The following LARGE1 variants were observed in gnomAD, a reference collection of about 807,000 sequenced individuals.
LARGE1 encodes the protein LARGE xylosyl- and glucuronyltransferase 1, also known as xylosyl- and glucuronyltransferase LARGE1.
Under a neutral mutation model 87.6 loss-of-function variants are expected in LARGE1, and 43 were observed. That is an observed-to-expected ratio of 0.49 (90% CI 0.38 to 0.63). LARGE1 has a LOEUF of 0.63. Ranked by LOEUF, LARGE1 falls within the 30% of genes least tolerant of loss-of-function variation. The probability of loss-of-function intolerance (pLI) is 0.00; values close to 1 mark genes in which losing one functional copy is unlikely to be tolerated. For synonymous variants in LARGE1, 434 were observed against 394.6 expected (o/e 1.10, Z -1.18); for missense variants, 802 against 1,000.2 (o/e 0.80, Z 2.67).
At chr22:33,252,758 T>C (rs1230057373) in intron 11 of LARGE1, among the ~76,000 whole-genome samples, 1 of 152,248 alleles carries the variant, frequency 6.6e-6, no homozygotes, top group Non-Finnish European at 1.5e-5. Flanking sequence ...TAATTCTTTG[T>C]TGGTTTTTCT....
the LARGE1 span, among the ~76,000 whole-genome samples, chr22:33,120,367 T>C: frequency 5.2e-4 from 37 of 71,474 alleles, no homozygotes; most frequent in South Asian, 1.5e-3. Flanking sequence ...TTTTTCTTTC[T>C]TTCTTTCTTT....
At position 33,273,839 on chromosome 22, in the gene LARGE1, G is replaced by C; in HGVS notation, c.*588C>G. On this transcript the variant is annotated 3_prime_UTR_variant, in exon 15 of 15. Coordinates refer to ENST00000397394, the MANE Select transcript of LARGE1 (RefSeq NM_133642.5). The stretch of plus-strand genomic sequence containing the variant: ...AACAAAACAAAACAGGAGTGACTTT[G>C]GGGATAAGGAAACCCATCAACCCCA... 2.6e-6 allele frequency: 1 copy of C among 390,644 alleles called. No individual in the cohort carries two copies. 24.2% of individuals were successfully genotyped at this position (390,644 alleles called of 1,614,324 possible).
intron 1 of LARGE1, among the ~76,000 whole-genome samples, chr22:33,833,637 C>T (rs1447149171): frequency 7.2e-5 from 11 of 152,184 alleles, no homozygotes. Context: ...AACTAACACA[C>T]TAGGTGAGGT....
intron 11 of LARGE1, among the ~76,000 whole-genome samples, chr22:33,186,436 A>C (rs550914035): frequency 6.6e-6 from 1 of 152,302 alleles, no homozygotes; most frequent in Non-Finnish European, 1.5e-5. Flanking sequence ...TATATGACAC[A>C]ATTCAGTACC....
intron 2 of LARGE1, among the ~76,000 whole-genome samples, chr22:33,759,692 G>A (rs1467097876): frequency 6.6e-6 from 1 of 152,140 alleles, no homozygotes; most frequent in Non-Finnish European, 1.5e-5. Flanking sequence ...AAAAGTCAAT[G>A]TTCTACTTAT....
chr22:33,821,468 C>T (rs755358900), intron 1 of LARGE1, among the ~76,000 whole-genome samples: 2 of 152,174 alleles, frequency 1.3e-5, no homozygotes, highest in Non-Finnish European at 2.9e-5. Flanking sequence ...CCCACCATGC[C>T]TTACAGATAT....
chr22:33,086,155 TAGTATC>T, the LARGE1 span, among the ~76,000 whole-genome samples: 6 of 152,166 alleles, frequency 3.9e-5, no homozygotes, highest in Admixed American at 2.0e-4. Context: ...GCAATAAAGA[TAGTATC>T]AGTCTGTTGT....
At chr22:33,748,757 T>C (rs1007528430) in intron 2 of LARGE1, among the ~76,000 whole-genome samples, 3 of 152,246 alleles carry the variant, frequency 2.0e-5, no homozygotes, top group South Asian at 4.1e-4. Flanking sequence ...GTCATTTTGA[T>C]GAAATAATTT....
At chr22:33,334,333 C>T in intron 10 of LARGE1, among the ~76,000 whole-genome samples, 1 of 148,732 alleles carries the variant, frequency 6.7e-6, no homozygotes, top group South Asian at 2.1e-4. Context: ...ATTGCTTGAA[C>T]CGGAGAGGCG....
At chr22:33,695,100 C>A (rs749360090) in intron 2 of LARGE1, among the ~76,000 whole-genome samples, 1 of 142,616 alleles carries the variant, frequency 7.0e-6, no homozygotes, top group Non-Finnish European at 1.5e-5. Flanking sequence ...TTTTTTCTTT[C>A]TTTCTTTCTT....
chr22:33,386,919 T>C (rs1187366355), intron 7 of LARGE1, among the ~76,000 whole-genome samples: 2 of 147,556 alleles, frequency 1.4e-5, no homozygotes, highest in East Asian at 3.9e-4. Context: ...CTGGCCAACA[T>C]GGTGAAACCC....
In LARGE1 at chr22:33,320,681, T is replaced by C. The variant is rs369737116; in HGVS notation, c.1288-4433A>G. 2.8e-4 allele frequency among the ~76,000 whole-genome samples: 43 copies of C among 152,342 alleles called. No individual in the cohort carries two copies. The East Asian group carries it at 6.4e-3, about 23-fold the overall frequency. ...CTTTCAATTTTCCTTTTGTGTCCTC[T>C]AATTATATGCACAGAAGGTGATCAA... On this transcript the variant is annotated intron_variant, in intron 10 of 14. Transcript: ENST00000397394.
At chr22:33,355,490 C>G (rs1277218969) in intron 9 of LARGE1, among the ~76,000 whole-genome samples, 2 of 152,170 alleles carry the variant, frequency 1.3e-5, no homozygotes, top group Non-Finnish European at 2.9e-5. Context: ...CAAATGTACA[C>G]CTGGATATGC....
At chr22:33,257,004 G>A (rs1927321093) in intron 11 of LARGE1, among the ~76,000 whole-genome samples, 1 of 152,142 alleles carries the variant, frequency 6.6e-6, no homozygotes, top group Non-Finnish European at 1.5e-5. Flanking sequence ...TTGGGAGTTC[G>A]AGACCAGCCT....
chr22:33,888,474 C>T (rs1395752988), intron 1 of LARGE1, among the ~76,000 whole-genome samples: 1 of 152,102 alleles, frequency 6.6e-6, no homozygotes, highest in Non-Finnish European at 1.5e-5. Context: ...ACTAATAAAG[C>T]TCATGATAAA....
chr22:33,154,394 T>A, the LARGE1 span, among the ~76,000 whole-genome samples: 2 of 151,992 alleles, frequency 1.3e-5, no homozygotes, highest in Non-Finnish European at 2.9e-5. Flanking sequence ...GTGCCTGCCA[T>A]CATGCCTGGC....
intron 5 of LARGE1, among the ~76,000 whole-genome samples, chr22:33,586,343 A>ATAGT (rs1357222695): frequency 1.3e-5 from 2 of 152,132 alleles, no homozygotes; most frequent in African/African-American, 4.8e-5. Context: ...AGAGACAATG[A>ATAGT]CACCCATGAT....
intron 6 of LARGE1, among the ~76,000 whole-genome samples, chr22:33,473,509 T>C (rs979049351): frequency 5.9e-5 from 9 of 152,158 alleles, no homozygotes; most frequent in Non-Finnish European, 1.0e-4. Context: ...GCCACCACCA[T>C]GCCCAGCTAA....
At chr22:33,234,023 A>AAATGC (rs1464245326) in intron 11 of LARGE1, among the ~76,000 whole-genome samples, 15 of 152,214 alleles carry the variant, frequency 9.9e-5, no homozygotes, top group Non-Finnish European at 1.9e-4. Context: ...TCACCCTAGG[A>AAATGC]AATGCATTGC....
Sources: gnomAD v4.1 joint callset for allele counts (sites outside exome capture counted in the v4.1 genomes callset) on GRCh38, gnomAD v4.1.1 for gene constraint, MANE v1.5 for transcripts, NCBI Gene and HGNC (gene_info 2026-07-23, HGNC 2026-07-21) for gene names.